The following MSI2 variants were observed in gnomAD, a reference collection of about 807,000 sequenced individuals.
MSI2 encodes the protein musashi RNA binding protein 2.
In MSI2, 17 loss-of-function variants were observed where a neutral mutation model predicts 45.6. The observed-to-expected ratio is 0.37, with a 90% confidence interval of 0.26 to 0.56. MSI2 has a LOEUF of 0.56. Among genes scored for constraint, MSI2 ranks in the 20% least tolerant of loss-of-function variants. The pLI is 0.77. For synonymous variants in MSI2, 156 were observed against 158.2 expected, an observed-to-expected ratio of 0.99 and a Z score of 0.11; for missense variants, 293 against 444.2, an observed-to-expected ratio of 0.66 and a Z score of 3.06.
intron 6 of MSI2, among the ~76,000 whole-genome samples, chr17:57,486,443 C>T (rs776958408): frequency 3.9e-5 from 6 of 152,132 alleles, no homozygotes; most frequent in African/African-American, 1.2e-4. Context: ...ACTGGGGCTC[C>T]GAAAATAGTT....
At chr17:57,673,150 C>T (rs1346843209) in intron 11 of MSI2, among the ~76,000 whole-genome samples, 2 of 152,176 alleles carry the variant, frequency 1.3e-5, no homozygotes, top group Non-Finnish European at 1.5e-5. Flanking sequence ...TTTGGTCTCC[C>T]GTGTATCTTT....
At chr17:57,350,225 G>GGGGTATGTGT (rs368655017) in intron 5 of MSI2, among the ~76,000 whole-genome samples, 3 of 146,746 alleles carry the variant, frequency 2.0e-5, no homozygotes, top group Non-Finnish European at 3.0e-5. Context: ...CAGAGGTAGG[G>GGGGTATGTGT]GTGTGTGTGT....
chr17:57,607,685 G>C (rs1463688194), intron 8 of MSI2, among the ~76,000 whole-genome samples: 1 of 152,118 alleles, frequency 6.6e-6, no homozygotes, highest in African/African-American at 2.4e-5. Flanking sequence ...CCTGAGACTG[G>C]GTAATTTATT....
chr17:57,390,665 T>C (rs2083773370), intron 5 of MSI2, among the ~76,000 whole-genome samples: 1 of 152,188 alleles, frequency 6.6e-6, no homozygotes, highest in South Asian at 2.1e-4. Context: ...GTAACTTGGC[T>C]TTAGAACCTG....
intron 5 of MSI2, chr17:57,263,530 T>C (rs2143200522): frequency 6.6e-6 from 1 of 152,330 alleles, no homozygotes; most frequent in African/African-American, 2.4e-5. Flanking sequence ...TTTGGAGGAA[T>C]TGCTGTTTCT....
intron 5 of MSI2, among the ~76,000 whole-genome samples, chr17:57,341,129 G>A (rs1171794437): frequency 6.6e-6 from 1 of 152,148 alleles, no homozygotes; most frequent in Non-Finnish European, 1.5e-5. Flanking sequence ...AGTAGAGAGG[G>A]GCTCCCCAGT....
intron 5 of MSI2, among the ~76,000 whole-genome samples, chr17:57,340,061 G>A (rs1915002701): frequency 6.6e-6 from 1 of 152,216 alleles, no homozygotes; most frequent in South Asian, 2.1e-4. Context: ...TTCCTAGCTT[G>A]TTGACCTTGA....
intron 7 of MSI2, among the ~76,000 whole-genome samples, chr17:57,570,059 A>C (rs1377299304): frequency 6.6e-6 from 1 of 152,246 alleles, no homozygotes; most frequent in Non-Finnish European, 1.5e-5. Flanking sequence ...TGGGACGCTC[A>C]TATGATGGAT....
intron 5 of MSI2, among the ~76,000 whole-genome samples, chr17:57,271,411 T>C (rs1479388854): frequency 6.6e-6 from 1 of 151,942 alleles, no homozygotes; most frequent in Non-Finnish European, 1.5e-5. Flanking sequence ...AAGCACAGAG[T>C]CTTCTTTTTA....
In MSI2 at chr17:57,529,584, A is replaced by G. The variant is rs997277044; in HGVS notation, c.406-92A>G. 5.2e-6 allele frequency: 6 copies of G among 1,160,518 alleles called. No homozygotes were observed. The highest frequency in any genetic ancestry group is 6.4e-6 in the Non-Finnish European group (5 of 786,892). 71.9% of individuals were successfully genotyped at this position (1,160,518 alleles called of 1,614,324 possible). On this transcript the variant is annotated intron_variant, in intron 6 of 13. Transcript: ENST00000284073. This position sits in a 1 kb window ranked among gnomAD's most constrained non-coding sequence, Gnocchi z 5.3. ...TAAGCAACTATTACTTCTGTAATGG[A>G]AACTACCCCCTCACCCCCCGACATG...
chr17:57,697,143 G>GACACACACACACAAACACACAC, the MSI2 span, among the ~76,000 whole-genome samples: 1 of 54,098 alleles, frequency 1.8e-5, no homozygotes, highest in Non-Finnish European at 3.8e-5. Flanking sequence ...TCGCCAGCAG[G>GACACACACACACAAACACACAC]ACACACACAC....
Position 57,637,882 on chromosome 17 carries a change from G to A in MSI2, c.727+10579G>A, listed in dbSNP as rs572499776. Reference sequence around the variant, plus strand: ...CTCGTCCTCTGTGGACTGAGGCCCCGTGCCCACCAGATCTCATTTTCCTCC... The same window carrying A: ...CTCGTCCTCTGTGGACTGAGGCCCCATGCCCACCAGATCTCATTTTCCTCC... On this transcript the variant is annotated intron_variant, in intron 10 of 13. Coordinates refer to ENST00000284073, the MANE Select transcript of MSI2 (RefSeq NM_138962.4). Among the ~76,000 whole-genome samples the A allele has an allele frequency of 1.1e-4, 16 of 152,258 alleles. No individual in the cohort carries two copies. In the South Asian group the frequency reaches 3.3e-3, roughly 32 times the overall value.
intron 6 of MSI2, among the ~76,000 whole-genome samples, chr17:57,431,322 GT>G (rs1215020151): frequency 6.6e-6 from 1 of 152,200 alleles, no homozygotes; most frequent in Non-Finnish European, 1.5e-5. Context: ...TAGGATGTGG[GT>G]GGCACCAGCT....
chr17:57,608,604 G>A (rs1010656641), intron 8 of MSI2, among the ~76,000 whole-genome samples: 2 of 152,234 alleles, frequency 1.3e-5, no homozygotes, highest in South Asian at 2.1e-4. Context: ...GTCCTCAGAG[G>A]CCCCCCACGC....
chr17:57,423,044 G>A (rs2084426173), intron 6 of MSI2, among the ~76,000 whole-genome samples: 1 of 152,114 alleles, frequency 6.6e-6, no homozygotes. Context: ...ACCTCATCTT[G>A]GCCTCTAGAT....
intron 7 of MSI2, among the ~76,000 whole-genome samples, chr17:57,559,525 G>A (rs1327215971): frequency 6.6e-6 from 1 of 152,212 alleles, no homozygotes; most frequent in Non-Finnish European, 1.5e-5. Context: ...CCTGCATCGA[G>A]TGCTTGTCTC....
At chr17:57,453,726 C>T (rs1053509703) in intron 6 of MSI2, among the ~76,000 whole-genome samples, 4 of 152,196 alleles carry the variant, frequency 2.6e-5, no homozygotes, top group African/African-American at 9.7e-5. Context: ...TATCCTACTG[C>T]TCAAGGTCAT....
chr17:57,338,646 C>G (rs938172905), intron 5 of MSI2, among the ~76,000 whole-genome samples: 3 of 152,184 alleles, frequency 2.0e-5, no homozygotes, highest in Non-Finnish European at 4.4e-5. Flanking sequence ...AATTCACTGA[C>G]CCGGGGAGCT....
intron 6 of MSI2, among the ~76,000 whole-genome samples, chr17:57,476,331 C>T (rs150928873): frequency 2.6e-5 from 4 of 152,202 alleles, no homozygotes; most frequent in African/African-American, 9.6e-5. Context: ...GGCACCTTCC[C>T]CTGAGCCTGG....
Sources: gnomAD v4.1 joint callset for allele counts (sites outside exome capture counted in the v4.1 genomes callset) on GRCh38, gnomAD v4.1.1 for gene constraint, Gnocchi (gnomAD v3.1) non-coding constraint, MANE v1.5 for transcripts, NCBI Gene and HGNC (gene_info 2026-07-23, HGNC 2026-07-21) for gene names.